LMBR1L: variants seen among roughly 807,000 people sequenced by gnomAD.
LMBR1L encodes the protein protein LMBR1L.
A neutral mutation model predicts 67.3 loss-of-function variants in LMBR1L; 47 were observed. The observed-to-expected ratio is 0.70, with a 90% CI of 0.55 to 0.89. The LOEUF (loss-of-function observed/expected upper bound fraction) is 0.89. Ranked by LOEUF, LMBR1L falls within the 40% of genes least tolerant of loss-of-function variation. The pLI, the probability that LMBR1L is intolerant of heterozygous loss-of-function variation, is 0.00. For synonymous variants in LMBR1L, 247 were observed against 250.3 expected (o/e 0.99, Z 0.13); for missense variants, 533 against 599.2 (o/e 0.89, Z 1.15).
At position 49,097,341 on chromosome 12, in the gene LMBR1L, C is replaced by T. The variant is rs2120861019; in HGVS notation, c.*331G>A. On this transcript the variant is annotated 3_prime_UTR_variant, in exon 17 of 17. Transcript: ENST00000267102. ...GTCCTTTCCCTGCCCCTACCCCACC[C>T]TATTGCACATCAAATCATGTAAACA... is the stretch of plus-strand genomic sequence containing the variant. The T allele has an allele frequency of 3.1e-6, 1 of 323,590 alleles. No homozygotes were observed. The highest frequency in any genetic ancestry group is 3.8e-5 in the South Asian group (1 of 26,326). 20.0% of individuals were successfully genotyped at this position (323,590 alleles called of 1,614,324 possible).
chr12:49,107,194 G>A (rs1168360249), intron 1 of LMBR1L, 149 bp from the exon 2 acceptor site: 1 of 602,888 alleles, frequency 1.7e-6, no homozygotes, highest in East Asian at 2.8e-5. Flanking sequence ...GTTCTGTTCT[G>A]ATCCCCCAGG....
chr12:49,102,888 C>T lies in LMBR1L; in HGVS notation c.695G>A (p.Arg232Gln), dbSNP rs1286845734. The T allele has an allele frequency of 5.6e-6, 9 of 1,614,006 alleles. No homozygotes were observed. Among genetic ancestry groups the T allele is most frequent in the Admixed American group, 1.7e-5 (1 of 60,012 alleles). The change falls in exon 8 of 17, where the codon CGG (arginine) becomes CAG (glutamine). Residue 232 changes from arginine to glutamine, a missense_variant and splice_region_variant. Around this residue, in one of 3 missense-constraint regions of LMBR1L, gnomAD observed 64 missense variants for 109.0 expected, o/e 0.59. Coordinates refer to ENST00000267102, the MANE Select transcript of LMBR1L (RefSeq NM_018113.4). ...SVTGKLLVKP[R>Q]LLEDLEEQLY... ...CAAAGAGCAAGGAATACCACATACC[C>T]GGGGCTTGACTAGCAGCTTCCCAGT...
intron 2 of LMBR1L, 72 bp from the exon 3 acceptor site, chr12:49,106,029 A>C: frequency 1.5e-6 from 2 of 1,327,514 alleles, no homozygotes; most frequent in Non-Finnish European, 2.1e-6. Context: ...TTAGTATTAC[A>C]ATGTGCTCCC....
Position 49,101,070 on chromosome 12 carries a change from C to T in LMBR1L, c.1082+180G>A, listed in dbSNP as rs980439462. ...TGATCAGATTCTACTGAACCACCAG[C>T]CCTCCTTTCAAATTAAGTCTTTTCC... On this transcript the variant is annotated intron_variant, in intron 13 of 16. Coordinates refer to ENST00000267102, the MANE Select transcript of LMBR1L (RefSeq NM_018113.4). 2.5e-5 allele frequency: 33 copies of T among 1,320,660 alleles called. No individual in the cohort carries two copies. The Middle Eastern group carries it at 1.2e-3, about 49-fold the overall frequency. The allele number at this position is 1,320,660 out of a possible 1,614,324, so 81.8% of individuals were successfully genotyped here.
chr12:49,100,413 T>G lies in LMBR1L; in HGVS notation c.1215A>C (p.Ala405=). 6.2e-7 allele frequency: 1 copy of G among 1,614,010 alleles called. No individual in the cohort carries two copies. Among genetic ancestry groups the G allele is most frequent in the Non-Finnish European group, 8.5e-7 (1 of 1,179,832 alleles). Reference sequence around the variant, plus strand: ...CCAGGGTTCGAGAGAAGACAGGAAGTGCTGAGCTTAGGACCAGGAGACAGA... The same window carrying G: ...CCAGGGTTCGAGAGAAGACAGGAAGGGCTGAGCTTAGGACCAGGAGACAGA... ...NCVCLLVLSS[A]LPVFSRTLGL... The change falls in exon 15 of 17, where the codon GCA becomes GCC. Residue 405 remains alanine, a synonymous_variant. Transcript: ENST00000267102.
chr12:49,101,605 G>T, intron 11 of LMBR1L, 56 bp from the exon 12 acceptor site: 2 of 1,332,674 alleles, frequency 1.5e-6, no homozygotes, highest in South Asian at 1.2e-5. Flanking sequence ...TGGACCCAGA[G>T]CTAAAGGAAT....
At chr12:49,105,868 C>G (rs375255713) in intron 3 of LMBR1L, 56 bp downstream of exon 3, 29 of 1,491,010 alleles carry the variant, frequency 1.9e-5, no homozygotes, top group African/African-American at 1.7e-4. Context: ...CCAGGCCTCC[C>G]TAGATCCCAG....
chr12:49,101,074 C>A, intron 13 of LMBR1L, 176 bp downstream of exon 13: 1 of 1,356,604 alleles, frequency 7.4e-7, no homozygotes, highest in Non-Finnish European at 9.7e-7. Context: ...CACCAGCCCT[C>A]CTTTCAAATT....
chr12:49,108,234 G>A (rs758747201), intron 1 of LMBR1L, among the ~76,000 whole-genome samples: 1 of 151,688 alleles, frequency 6.6e-6, no homozygotes, highest in Non-Finnish European at 1.5e-5. Context: ...CTGCACTCTA[G>A]CCTGGGTGAC....
chr12:49,104,625 G>A, intron 4 of LMBR1L, 74 bp from the exon 5 acceptor site: 2 of 1,563,666 alleles, frequency 1.3e-6, no homozygotes, highest in Non-Finnish European at 1.8e-6. Context: ...CCATTTGCAG[G>A]AGAAGCAGAG....
chr12:49,104,069 C>T (rs997303737), intron 5 of LMBR1L: 13 of 496,816 alleles, frequency 2.6e-5, no homozygotes, highest in African/African-American at 1.2e-4. Context: ...GGCTGACCTC[C>T]GAGGTCTGCA....
chr12:49,105,967 A>T lies in LMBR1L; in HGVS notation c.158-10T>A, dbSNP rs1940848577. On this transcript the variant is annotated splice_polypyrimidine_tract_variant and intron_variant, in intron 2 of 16. Coordinates refer to ENST00000267102, the MANE Select transcript of LMBR1L (RefSeq NM_018113.4). ...GCATCTTCATCATCCACTGTAAGAGACAGAGGCACGGGGAACAGGCAGGAG... is the reference window on the plus strand; with the variant it reads ...GCATCTTCATCATCCACTGTAAGAGTCAGAGGCACGGGGAACAGGCAGGAG... The T allele has an allele frequency of 5.0e-6, 8 of 1,612,704 alleles. No homozygotes were observed. The highest frequency in any genetic ancestry group is 5.9e-6 in the Non-Finnish European group (7 of 1,179,462).
chr12:49,098,242 A>C (rs751016507), intron 15 of LMBR1L, 137 bp from the exon 16 acceptor site: 281 of 876,376 alleles, frequency 3.2e-4, no homozygotes, highest in Non-Finnish European at 4.7e-4. Flanking sequence ...CTACCACCCA[A>C]GCTGTCTCAA....
intron 8 of LMBR1L, 63 bp from the exon 9 acceptor site, chr12:49,102,603 G>A (rs1940347442): frequency 6.5e-7 from 1 of 1,527,402 alleles, no homozygotes; most frequent in South Asian, 1.1e-5. Flanking sequence ...GGCCCCAGGA[G>A]AACCCTGTTC....
At chr12:49,105,762 G>A (rs1299398198) in intron 3 of LMBR1L, among the ~76,000 whole-genome samples, 162 bp downstream of exon 3, 1 of 152,190 alleles carries the variant, frequency 6.6e-6, no homozygotes, top group Non-Finnish European at 1.5e-5. Context: ...GCTTTTCTGA[G>A]CATCCCCAGG....
intron 1 of LMBR1L, chr12:49,110,258 G>A (rs575546484): frequency 3.4e-6 from 2 of 595,006 alleles, no homozygotes; most frequent in South Asian, 1.9e-5. Flanking sequence ...AGGGGCGTGT[G>A]GGGGAGGAAC....
chr12:49,101,073 T>C (rs577864902), intron 13 of LMBR1L, 177 bp downstream of exon 13: 52 of 1,347,082 alleles, frequency 3.9e-5, no homozygotes, highest in Admixed American at 1.1e-4. Context: ...CCACCAGCCC[T>C]CCTTTCAAAT....
At chr12:49,106,709 G>A (rs1160871307) in intron 2 of LMBR1L, 1 of 1,031,980 alleles carries the variant, frequency 9.7e-7, no homozygotes, top group Admixed American at 2.1e-5. Context: ...ACACAATGGA[G>A]TAGGTAGACA....
intron 1 of LMBR1L, among the ~76,000 whole-genome samples, chr12:49,108,460 G>A (rs1019171028): frequency 2.0e-5 from 3 of 151,690 alleles, no homozygotes; most frequent in Non-Finnish European, 4.4e-5. Flanking sequence ...TACTTGAGAG[G>A]CTGAGGCAGG....
Sources: allele counts gnomAD v4.1 joint callset (sites outside exome capture counted in the v4.1 genomes callset), GRCh38; gene constraint gnomAD v4.1.1; regional missense constraint gnomAD v4.1.1; transcripts MANE v1.5; gene names NCBI Gene and HGNC (gene_info 2026-07-23, HGNC 2026-07-21).